Variants in ARMH3 observed in about 807,000 individuals in gnomAD.
The protein encoded by ARMH3 is armadillo-like helical domain-containing protein 3.
Under a neutral mutation model 99.1 loss-of-function variants are expected in ARMH3, and 60 were observed. That is an observed-to-expected ratio of 0.61 (90% CI 0.49 to 0.75). The LOEUF (loss-of-function observed/expected upper bound fraction) is 0.75. ARMH3 is among the 30% of genes least tolerant of loss of function. The probability of loss-of-function intolerance (pLI) is 0.00; values close to 1 mark genes in which losing one functional copy is unlikely to be tolerated. For missense variants in ARMH3, 679 were observed against 843.1 expected, an observed-to-expected ratio of 0.81 and a Z score of 2.41; for synonymous variants, 285 against 292.8, an observed-to-expected ratio of 0.97 and a Z score of 0.27.
rs895160664 is a variant in ARMH3 at position 101,963,460 on chromosome 10, G to A, written c.1496-5728C>T. ...CCATTTTTGTATTTTTAGTAGAGAC[G>A]GGGTTTCACCATGTTGGCCAGGCTG... On this transcript the variant is annotated intron_variant, in intron 20 of 25. Transcript: ENST00000370033. Among the ~76,000 whole-genome samples the A allele has an allele frequency of 1.3e-3, 200 of 152,074 alleles. 1 individual carries two copies. The highest frequency in any genetic ancestry group is 2.1e-3 in the Non-Finnish European group (140 of 67,970).
intron 22 of ARMH3, among the ~76,000 whole-genome samples, chr10:101,947,837 A>G (rs928773301): frequency 7.9e-5 from 12 of 151,252 alleles, no homozygotes; most frequent in African/African-American, 2.4e-4. Flanking sequence ...ATAAATAAAT[A>G]GACCCTATAT....
chr10:102,009,487 G>T, intron 12 of ARMH3, 38 bp from the exon 13 acceptor site: 1 of 1,514,076 alleles, frequency 6.6e-7, no homozygotes, highest in Non-Finnish European at 9.2e-7. Flanking sequence ...AGTTTTTATA[G>T]TGGGGGGAGT....
chr10:102,033,255 A>C, intron 3 of ARMH3, 28 bp downstream of exon 3: 1 of 1,613,882 alleles, frequency 6.2e-7, no homozygotes, highest in South Asian at 1.1e-5. Context: ...AGTTACCAGG[A>C]AATTCCACAG....
chr10:101,953,542 C>CTTTT (rs35546669), intron 22 of ARMH3, among the ~76,000 whole-genome samples: 2 of 117,878 alleles, frequency 1.7e-5, no homozygotes, highest in Non-Finnish European at 3.6e-5. Flanking sequence ...CGTGCCCAGC[C>CTTTT]TTTTTTTTTT....
At chr10:101,987,707 A>G (rs1012268891) in intron 19 of ARMH3, among the ~76,000 whole-genome samples, 3 of 152,134 alleles carry the variant, frequency 2.0e-5, no homozygotes, top group Non-Finnish European at 4.4e-5. Flanking sequence ...TCTTAGATTA[A>G]CTGCTTTGGG....
At chr10:101,994,442 TTTC>T (rs1846961103) in intron 16 of ARMH3, among the ~76,000 whole-genome samples, 1 of 152,088 alleles carries the variant, frequency 6.6e-6, no homozygotes, top group African/African-American at 2.4e-5. Context: ...CTTCACCATT[TTTC>T]TTAAGAGAGA....
At chr10:102,034,807 C>A (rs2067211231) in intron 2 of ARMH3, among the ~76,000 whole-genome samples, 3 of 152,230 alleles carry the variant, frequency 2.0e-5, no homozygotes, top group South Asian at 2.1e-4. Context: ...ACTCGGGAGG[C>A]TGAGGCAGGA....
At chr10:101,903,714 A>C (rs985438847) in intron 23 of ARMH3, among the ~76,000 whole-genome samples, 2 of 152,244 alleles carry the variant, frequency 1.3e-5, no homozygotes, top group Admixed American at 6.5e-5. Flanking sequence ...TTCAACAAAT[A>C]GTCAAATTTT....
intron 13 of ARMH3, among the ~76,000 whole-genome samples, chr10:102,009,108 G>A (rs2066573931): frequency 6.6e-6 from 1 of 152,174 alleles, no homozygotes; most frequent in Admixed American, 6.5e-5. Flanking sequence ...GCAAAATGAA[G>A]TCATGACAAT....
intron 22 of ARMH3, among the ~76,000 whole-genome samples, chr10:101,945,740 C>T (rs933138383): frequency 4.7e-5 from 7 of 150,296 alleles, no homozygotes; most frequent in Non-Finnish European, 3.0e-5. Context: ...AAAAAAAAAT[C>T]CAGAAGATTA....
intron 1 of ARMH3, among the ~76,000 whole-genome samples, chr10:102,041,106 T>C (rs1439698802): frequency 6.8e-6 from 1 of 146,526 alleles, no homozygotes; most frequent in East Asian, 1.9e-4. Context: ...TATATATATA[T>C]ATATATGTAG....
At chr10:101,971,808 C>T (rs1845784035) in intron 20 of ARMH3, among the ~76,000 whole-genome samples, 1 of 152,068 alleles carries the variant, frequency 6.6e-6, no homozygotes, top group Non-Finnish European at 1.5e-5. Flanking sequence ...TGATCTTATC[C>T]CAAAACCCAG....
intron 15 of ARMH3, among the ~76,000 whole-genome samples, chr10:102,001,351 A>T (rs989046786): frequency 2.0e-5 from 3 of 152,092 alleles, no homozygotes; most frequent in Non-Finnish European, 2.9e-5. Flanking sequence ...ACCCCTTCTC[A>T]ATCCTAGGAC....
chr10:102,007,177 A>AAAAAAAAAAAAAAAAAAAAAAAAC (rs2066518166), intron 13 of ARMH3, among the ~76,000 whole-genome samples: 1 of 149,536 alleles, frequency 6.7e-6, no homozygotes, highest in African/African-American at 2.4e-5. Flanking sequence ...AAAAAAAAAA[A>AAAAAAAAAAAAAAAAAAAAAAAAC]AGAAAAAAAA....
intron 23 of ARMH3, among the ~76,000 whole-genome samples, chr10:101,917,760 G>C (rs556665051): frequency 1.3e-5 from 2 of 152,090 alleles, no homozygotes; most frequent in Admixed American, 6.6e-5. Flanking sequence ...GCCCTCCCGG[G>C]TATAGGAAAC....
In ARMH3 at chr10:101,971,483, G is replaced by C. The variant is rs577355015; in HGVS notation, c.1495+3729C>G. The stretch of plus-strand genomic sequence containing the variant: ...CTACTTGGGGCAGGAGCTGAGGTGG[G>C]AGGATTGTTTGAACCCGCAATCACA... On this transcript the variant is annotated intron_variant, in intron 20 of 25. Transcript: ENST00000370033. Among the ~76,000 whole-genome samples the C allele has an allele frequency of 5.3e-5, 8 of 152,122 alleles. No homozygotes were observed. In the East Asian group the frequency reaches 1.5e-3, roughly 29 times the overall value.
intron 9 of ARMH3, among the ~76,000 whole-genome samples, chr10:102,013,092 A>G (rs1460433472): frequency 2.0e-5 from 3 of 152,248 alleles, no homozygotes; most frequent in Non-Finnish European, 4.4e-5. Context: ...GTTCCCAGGT[A>G]CAATTAAAAT....
At chr10:101,919,659 G>A (rs867336579) in intron 23 of ARMH3, among the ~76,000 whole-genome samples, 28 of 152,024 alleles carry the variant, frequency 1.8e-4, no homozygotes, top group Admixed American at 1.8e-3. Context: ...TGGATCCTAC[G>A]AAACATTCAA....
chr10:101,871,491 G>A (rs574644689), intron 24 of ARMH3, among the ~76,000 whole-genome samples: 5 of 152,110 alleles, frequency 3.3e-5, no homozygotes, highest in Admixed American at 6.5e-5. Flanking sequence ...CAGAACTGAC[G>A]GTCCAGAAAT....
Sources: gnomAD v4.1 joint callset for allele counts (sites outside exome capture counted in the v4.1 genomes callset) on GRCh38, gnomAD v4.1.1 for gene constraint, MANE v1.5 for transcripts, NCBI Gene and HGNC (gene_info 2026-07-23, HGNC 2026-07-21) for gene names.